The following CDH18 variants were observed in gnomAD, a reference collection of about 807,000 sequenced individuals.
CDH18 encodes cadherin-18.
A neutral mutation model predicts 67.9 loss-of-function variants in CDH18; 31 were observed. The observed-to-expected ratio is 0.46, with a 90% CI of 0.34 to 0.62. CDH18 has a LOEUF of 0.62. Among genes scored for constraint, CDH18 ranks in the 20% least tolerant of loss-of-function variants. The probability of loss-of-function intolerance (pLI) is 0.01; values close to 1 mark genes in which losing one functional copy is unlikely to be tolerated. For missense variants in CDH18, 890 were observed against 975.5 expected (o/e 0.91, Z 1.17); for synonymous variants, 362 against 347.2 (o/e 1.04, Z -0.48).
At chr5:20,046,694 A>C (rs554235840) in intron 2 of CDH18, among the ~76,000 whole-genome samples, 68 of 150,210 alleles carry the variant, frequency 4.5e-4, no homozygotes, top group African/African-American at 1.5e-3. Context: ...ATATCTCTAT[A>C]TATATATAAT....
Position 19,473,020 on chromosome 5 carries a change from T to C in CDH18, c.*206A>G. 1.9e-6 allele frequency: 1 copy of C among 534,268 alleles called. No homozygotes were observed. Among genetic ancestry groups the C allele is most frequent in the South Asian group, 3.0e-5 (1 of 33,542 alleles). 33.1% of individuals were successfully genotyped at this position (534,268 alleles called of 1,614,324 possible). A position where few individuals can be genotyped will look rare whatever the true frequency, so the allele number is the denominator to read the frequency against. ...ATACACAAGGAACAATAACTTTTTCTTTGTATTGTCTTTTTTTTTTTTTTT... is the reference window on the plus strand; with the variant it reads ...ATACACAAGGAACAATAACTTTTTCCTTGTATTGTCTTTTTTTTTTTTTTT... On this transcript the variant is annotated 3_prime_UTR_variant, in exon 13 of 13. Transcript: ENST00000382275.
At chr5:20,347,405 AG>A (rs532771668) in intron 1 of CDH18, among the ~76,000 whole-genome samples, 36 of 152,246 alleles carry the variant, frequency 2.4e-4, no homozygotes, top group Middle Eastern at 3.4e-3. Flanking sequence ...AACCGCAATT[AG>A]GGTCACTACT....
At chr5:19,965,649 C>T (rs1797354295) in intron 2 of CDH18, among the ~76,000 whole-genome samples, 1 of 152,014 alleles carries the variant, frequency 6.6e-6, no homozygotes, top group South Asian at 2.1e-4. Context: ...GGGAAAAGTA[C>T]AAAAACTATA....
intron 1 of CDH18, among the ~76,000 whole-genome samples, chr5:20,370,755 G>A (rs1454034072): frequency 6.6e-6 from 1 of 152,026 alleles, no homozygotes; most frequent in Non-Finnish European, 1.5e-5. Context: ...GAAGACTGTG[G>A]CAGCTGGGCA....
chr5:20,063,727 T>A (rs946661528), intron 2 of CDH18, among the ~76,000 whole-genome samples: 6 of 152,176 alleles, frequency 3.9e-5, no homozygotes, highest in African/African-American at 1.4e-4. Context: ...AGACACTAAA[T>A]GTTCCTTTTT....
chr5:19,827,053 G>T (rs1000950157), intron 3 of CDH18, among the ~76,000 whole-genome samples: 7 of 151,822 alleles, frequency 4.6e-5, no homozygotes, highest in African/African-American at 1.7e-4. Context: ...CAAGAAAATG[G>T]CAAACAGAAA....
intron 2 of CDH18, among the ~76,000 whole-genome samples, chr5:20,174,726 C>A (rs1379977663): frequency 6.6e-6 from 1 of 152,034 alleles, no homozygotes; most frequent in Admixed American, 6.6e-5. Flanking sequence ...GTAAAATGAT[C>A]GGTAAATATG....
At chr5:19,878,209 G>A (rs1421993793) in intron 2 of CDH18, 1 of 151,980 alleles carries the variant, frequency 6.6e-6, no homozygotes, top group Admixed American at 6.6e-5. Context: ...GTCTATGATT[G>A]CCAATATTTT....
At chr5:20,144,166 C>T (rs1250738410) in intron 2 of CDH18, among the ~76,000 whole-genome samples, 2 of 151,934 alleles carry the variant, frequency 1.3e-5, no homozygotes, top group African/African-American at 4.8e-5. Flanking sequence ...AGCAGGGCCA[C>T]CTCTTTGAGG....
At chr5:20,358,131 G>A (rs939462776) in intron 1 of CDH18, among the ~76,000 whole-genome samples, 5 of 152,232 alleles carry the variant, frequency 3.3e-5, no homozygotes, top group Admixed American at 6.5e-5. Flanking sequence ...GGAAACAATA[G>A]ATACTGGAGA....
At chr5:20,041,941 T>C (rs1740460834) in intron 2 of CDH18, among the ~76,000 whole-genome samples, 1 of 152,244 alleles carries the variant, frequency 6.6e-6, no homozygotes, top group Non-Finnish European at 1.5e-5. Flanking sequence ...CATATGCCTT[T>C]ACTATTTAAA....
chr5:19,925,671 A>G (rs1230386671), intron 2 of CDH18, among the ~76,000 whole-genome samples: 1 of 151,954 alleles, frequency 6.6e-6, no homozygotes, highest in Non-Finnish European at 1.5e-5. Context: ...TATGTTTAGT[A>G]GAGACAAAGG....
intron 7 of CDH18, among the ~76,000 whole-genome samples, chr5:19,578,193 A>G (rs933514178): frequency 6.6e-6 from 1 of 152,226 alleles, no homozygotes; most frequent in Non-Finnish European, 1.5e-5. Flanking sequence ...CTAGGAAACG[A>G]ATGTAAATTT....
intron 2 of CDH18, among the ~76,000 whole-genome samples, chr5:19,896,455 G>T (rs1221747870): frequency 6.6e-6 from 1 of 152,238 alleles, no homozygotes; most frequent in African/African-American, 2.4e-5. Context: ...CAAGGGGCTA[G>T]GTACACACAT....
At chr5:19,853,321 C>T (rs1008462733) in intron 2 of CDH18, among the ~76,000 whole-genome samples, 4 of 152,028 alleles carry the variant, frequency 2.6e-5, no homozygotes, top group African/African-American at 9.7e-5. Context: ...TTAAGGACAC[C>T]AATGCTATTA....
intron 2 of CDH18, among the ~76,000 whole-genome samples, chr5:20,093,643 GA>G (rs1301371996): frequency 1.3e-5 from 2 of 152,008 alleles, no homozygotes; most frequent in African/African-American, 4.8e-5. Flanking sequence ...CTAAATTTCA[GA>G]AAAATAAATA....
intron 2 of CDH18, among the ~76,000 whole-genome samples, chr5:19,960,665 A>T (rs1223827722): frequency 7.5e-6 from 1 of 133,068 alleles, no homozygotes; most frequent in Non-Finnish European, 1.5e-5. Flanking sequence ...ATATATATAC[A>T]CATGTATATA....
At chr5:20,551,583 A>C (rs548101999) in intron 1 of CDH18, among the ~76,000 whole-genome samples, 31 of 152,102 alleles carry the variant, frequency 2.0e-4, no homozygotes, top group Admixed American at 1.4e-3. Context: ...AATCAATTGG[A>C]GTTGAGTAAC....
intron 2 of CDH18, among the ~76,000 whole-genome samples, chr5:20,120,459 T>C (rs1748267037): frequency 6.6e-6 from 1 of 152,164 alleles, no homozygotes; most frequent in Non-Finnish European, 1.5e-5. Context: ...GGGATTCAAG[T>C]ATTTTGTTTA....
Sources: gnomAD v4.1 joint callset for allele counts (sites outside exome capture counted in the v4.1 genomes callset) on GRCh38, gnomAD v4.1.1 for gene constraint, MANE v1.5 for transcripts, NCBI Gene and HGNC (gene_info 2026-07-23, HGNC 2026-07-21) for gene names.